ATM: variants seen among roughly 807,000 people sequenced by gnomAD.
ATM encodes serine-protein kinase ATM.
ATM carries 308 observed loss-of-function variants against 387.0 expected under a neutral mutation model. That is an observed-to-expected ratio of 0.80 (90% CI 0.73 to 0.87). The LOEUF (loss-of-function observed/expected upper bound fraction) is 0.87, where lower values mean the gene tolerates loss of function less well. Ranked by LOEUF, ATM falls within the 40% of genes least tolerant of loss-of-function variation. The pLI is 0.00. For synonymous variants in ATM, 1,156 were observed against 1,187.3 expected, an observed-to-expected ratio of 0.97 and a Z score of 0.54; for missense variants, 3,312 against 3,560.9, an observed-to-expected ratio of 0.93 and a Z score of 1.78.
intron 59 of ATM, among the ~76,000 whole-genome samples, chr11:108,352,083 C>A (rs192575393): frequency 6.6e-6 from 1 of 152,086 alleles, no homozygotes; most frequent in African/African-American, 2.4e-5. Context: ...TCCTGAGTCT[C>A]GTAATAACTA....
At chr11:108,359,966 T>TA (rs2090505942) in intron 61 of ATM, among the ~76,000 whole-genome samples, 1 of 151,364 alleles carries the variant, frequency 6.6e-6, no homozygotes, top group Admixed American at 6.6e-5. Context: ...CTGAAGGAAA[T>TA]AGAGACACAA....
At chr11:108,304,651 G>A (rs2135941948) in intron 36 of ATM, 24 bp from the exon 37 acceptor site, 1 of 1,607,144 alleles carries the variant, frequency 6.2e-7, no homozygotes, top group African/African-American at 1.3e-5. Flanking sequence ...CAAACTATTG[G>A]GTGGATTTGT....
At chr11:108,235,122 C>A (rs1422394845) in intron 4 of ATM, among the ~76,000 whole-genome samples, 1 of 151,960 alleles carries the variant, frequency 6.6e-6, no homozygotes, top group Non-Finnish European at 1.5e-5. Flanking sequence ...CATGGTGAAA[C>A]CCTGTCTCTA....
chr11:108,313,892 GT>G (rs1179350214), intron 40 of ATM, among the ~76,000 whole-genome samples: 1 of 151,782 alleles, frequency 6.6e-6, no homozygotes, highest in African/African-American at 2.4e-5. Flanking sequence ...TTTTTTTTAT[GT>G]TTTCATTTTT....
chr11:108,309,290 C>T (rs1304212023), intron 38 of ATM, among the ~76,000 whole-genome samples: 2 of 152,180 alleles, frequency 1.3e-5, no homozygotes, highest in African/African-American at 4.8e-5. Flanking sequence ...TCTTCCTTTC[C>T]ATGGGGAAAT....
At chr11:108,274,336 AG>A (rs1456558016) in intron 22 of ATM, among the ~76,000 whole-genome samples, 3 of 116,930 alleles carry the variant, frequency 2.6e-5, no homozygotes, top group Non-Finnish European at 5.7e-5. Context: ...TTTTTTTGAA[AG>A]GTTTTTTTTG....
rs1060501692 is a variant in ATM, at chr11:108,288,976, G to A, written c.4110-1G>A. ...TGTATTTTTTCCCTTAACTCTGTTA[G>A]GGATTTGGATCCTGCTCCTAATCCA... On this transcript the variant is annotated splice_acceptor_variant, in intron 27 of 62. Transcript: ENST00000675843. LOFTEE classifies it high-confidence loss of function. 2 of 1,613,460 alleles carry A rather than the reference G, an allele frequency of 1.2e-6. No individual in the cohort carries two copies. The highest frequency in any genetic ancestry group is 1.7e-5 in the Admixed American group (1 of 60,004).
At chr11:108,331,030 G>A (rs2086185047) in intron 50 of ATM, among the ~76,000 whole-genome samples, 1 of 152,060 alleles carries the variant, frequency 6.6e-6, no homozygotes, top group Admixed American at 6.6e-5. Context: ...ACTCATAATA[G>A]ATACAGTCAA....
intron 13 of ATM, among the ~76,000 whole-genome samples, chr11:108,255,405 C>G (rs1330998354): frequency 6.9e-6 from 1 of 144,540 alleles, no homozygotes; most frequent in South Asian, 2.2e-4. Flanking sequence ...CTTAGTAATT[C>G]TATAAAATTG....
At chr11:108,349,730 C>A (rs1188774801) in intron 59 of ATM, among the ~76,000 whole-genome samples, 1 of 152,140 alleles carries the variant, frequency 6.6e-6, no homozygotes, top group African/African-American at 2.4e-5. Context: ...GAGAAATTTG[C>A]TGCAGGAATG....
chr11:108,310,079 A>G, intron 38 of ATM, 81 bp from the exon 39 acceptor site: 1 of 1,455,488 alleles, frequency 6.9e-7, no homozygotes, highest in Non-Finnish European at 9.5e-7. Flanking sequence ...AGTCACTACC[A>G]TTGTATTCTA....
At chr11:108,340,670 G>C (rs530709601) in intron 56 of ATM, among the ~76,000 whole-genome samples, 23 of 152,254 alleles carry the variant, frequency 1.5e-4, no homozygotes, top group South Asian at 1.2e-3. Flanking sequence ...AACTGTTAGA[G>C]TGATCCTTTT....
intron 43 of ATM, 42 bp downstream of exon 43, chr11:108,317,563 T>A (rs2136173212): frequency 6.5e-7 from 1 of 1,543,914 alleles, no homozygotes; most frequent in Non-Finnish European, 8.8e-7. Flanking sequence ...GCCTCTCTCC[T>A]CATTCTAAAC....
intron 61 of ATM, among the ~76,000 whole-genome samples, chr11:108,358,952 C>T (rs947165293): frequency 6.6e-5 from 10 of 152,064 alleles, no homozygotes; most frequent in African/African-American, 2.4e-4. Flanking sequence ...ACAAAATTAA[C>T]TTTAAATGTA....
intron 56 of ATM, among the ~76,000 whole-genome samples, chr11:108,341,200 A>G (rs1042501205): frequency 4.0e-5 from 6 of 151,770 alleles, no homozygotes; most frequent in African/African-American, 1.5e-4. Flanking sequence ...TAGACACACC[A>G]ATTTGTTTCT....
chr11:108,358,136 T>G (rs2137520193), intron 61 of ATM, among the ~76,000 whole-genome samples: 1 of 151,384 alleles, frequency 6.6e-6, no homozygotes, highest in East Asian at 1.9e-4. Context: ...GCTCGAGAAC[T>G]ATGTGAAGAA....
intron 53 of ATM, among the ~76,000 whole-genome samples, chr11:108,333,254 G>A (rs1237153307): frequency 6.6e-6 from 1 of 152,010 alleles, no homozygotes; most frequent in Non-Finnish European, 1.5e-5. Context: ...TACTAAAACT[G>A]CCCTGGGACT....
At position 108,348,466 on chromosome 11, in the gene ATM, CAA is replaced by C. The variant is rs200745427; in HGVS notation, c.8671+1102_8671+1103del. On this transcript the variant is annotated intron_variant, in intron 59 of 62. Coordinates refer to ENST00000675843, the MANE Select transcript of ATM (RefSeq NM_000051.4). ...GAATATATATAGCTAAGAAATATAT[CAA>C]GTTTTGTAAATAATAAGAAAGTGAT... Among the ~76,000 whole-genome samples, 396 of 150,038 alleles carry C rather than the reference CAA, an allele frequency of 2.6e-3. 1 individual carries two copies. The highest frequency in any genetic ancestry group is 9.0e-3 in the African/African-American group (370 of 40,968).
rs867443346 is a variant in ATM, at chr11:108,256,336, C to G, written c.2246C>G (p.Ala749Gly). ...TATAAGTCAGAATTATTCCAGAAAG[C>G]CAAGGTAGGAGAATTTATACTAATA... ...EAYKSELFQK[A>G]KSLMQCAGES... Residue 749 changes from alanine (A) to glycine (G), a missense_variant, in exon 14 of 63, where the codon GCC becomes GGC. Transcript: ENST00000675843. The G allele has an allele frequency of 6.2e-7, 1 of 1,609,014 alleles. No homozygotes were observed. Among genetic ancestry groups the G allele is most frequent in the Admixed American group, 1.7e-5 (1 of 59,898 alleles).
Sources: gnomAD v4.1 joint callset for allele counts (sites outside exome capture counted in the v4.1 genomes callset) on GRCh38, gnomAD v4.1.1 for gene constraint, MANE v1.5 for transcripts, NCBI Gene and HGNC (gene_info 2026-07-23, HGNC 2026-07-21) for gene names.